Variants in SIK3 observed in about 807,000 individuals in gnomAD.
SIK3 encodes the protein serine/threonine-protein kinase SIK3.
SIK3 carries 28 observed loss-of-function variants against 144.2 expected under a neutral mutation model. The observed-to-expected ratio is 0.19, with a 90% CI of 0.14 to 0.27. The LOEUF is 0.27. Ranked by LOEUF, SIK3 falls within the 10% of genes least tolerant of loss-of-function variation. The probability of loss-of-function intolerance (pLI) is 1.00; values close to 1 mark genes in which losing one functional copy is unlikely to be tolerated. For missense variants in SIK3, 1,319 were observed against 1,776.0 expected, an observed-to-expected ratio of 0.74 and a Z score of 4.62; for synonymous variants, 686 against 676.3, an observed-to-expected ratio of 1.01 and a Z score of -0.22.
At chr11:117,073,157 T>C (rs973254711) in intron 1 of SIK3, among the ~76,000 whole-genome samples, 3 of 152,152 alleles carry the variant, frequency 2.0e-5, no homozygotes, top group African/African-American at 7.2e-5. Context: ...GAAGGGAGCA[T>C]TGGAAATTTT....
chr11:116,915,122 A>ATGTGTGTGTGTG (rs1423283335), intron 4 of SIK3, among the ~76,000 whole-genome samples: 5 of 100,026 alleles, frequency 5.0e-5, no homozygotes, highest in South Asian at 4.3e-4. Context: ...AGGAAGCCAT[A>ATGTGTGTGTGTG]TATGTGTGTG....
intron 1 of SIK3, among the ~76,000 whole-genome samples, chr11:117,085,113 CTTTT>C (rs1565628671): frequency 6.6e-6 from 1 of 151,652 alleles, no homozygotes; most frequent in African/African-American, 2.4e-5. Context: ...TTTTCTCTCT[CTTTT>C]CTTTCTTTCC....
intron 19 of SIK3, 123 bp from the exon 20 acceptor site, chr11:116,859,727 G>T: frequency 1.3e-6 from 1 of 781,784 alleles, no homozygotes; most frequent in Non-Finnish European, 2.1e-6. Context: ...AAACTGCACT[G>T]AGCATAGGAC....
rs191739171 is a variant in SIK3 at position 116,888,421 on chromosome 11, G to A, written c.865+7832C>T. ...ACAACTGTGCCCAGAAACACGAGGC[G>A]TAAGCAGAAAAAGGACTCTGGGACA... On this transcript the variant is annotated intron_variant, in intron 6 of 24. Coordinates refer to ENST00000445177, the MANE Select transcript of SIK3 (RefSeq NM_001366686.3). Among the ~76,000 whole-genome samples the A allele has an allele frequency of 6.7e-4, 102 of 152,292 alleles. No homozygotes were observed. The East Asian group carries it at 0.015, about 23-fold the overall frequency.
intron 1 of SIK3, among the ~76,000 whole-genome samples, chr11:117,065,083 A>T (rs1382180376): frequency 6.6e-6 from 1 of 151,984 alleles, no homozygotes; most frequent in Non-Finnish European, 1.5e-5. Flanking sequence ...CAGCAGGCAG[A>T]GGTTGCAGCG....
At position 116,846,594 on chromosome 11, in the gene SIK3, G is replaced by A. The variant is rs774045967; in HGVS notation, c.3953-41C>T. The A allele has an allele frequency of 1.9e-6, 3 of 1,612,068 alleles. No individual in the cohort carries two copies. The highest frequency in any genetic ancestry group is 2.2e-5 in the South Asian group (2 of 90,910). ...GAACGTATGAGGTTGGCAGGGAACT[G>A]GGGGACTAGGAGAGCAAGGGGGAGA... On this transcript the variant is annotated intron_variant, in intron 23 of 24. Transcript: ENST00000445177. The surrounding 1 kb of genome is among the most constrained non-coding windows in gnomAD (Gnocchi z 4.1).
Position 117,059,261 on chromosome 11 carries a change from A to G in SIK3, c.273+38882T>C, listed in dbSNP as rs542560679. 6.4e-4 allele frequency among the ~76,000 whole-genome samples: 98 copies of G among 152,368 alleles called. 1 individual carries two copies. Among genetic ancestry groups the G allele is most frequent in the Non-Finnish European group, 1.2e-3 (84 of 68,036 alleles). On this transcript the variant is annotated intron_variant, in intron 1 of 24. Coordinates refer to ENST00000445177, the MANE Select transcript of SIK3 (RefSeq NM_001366686.3). ...TGGACAAGTAATCAACATGGACATT[A>G]AAGGCATACAAAATCACAGAGTAAG... is the stretch of plus-strand genomic sequence containing the variant.
chr11:116,854,172 C>T (rs192439148), intron 21 of SIK3, among the ~76,000 whole-genome samples: 57 of 152,044 alleles, frequency 3.7e-4, no homozygotes, highest in Non-Finnish European at 7.6e-4. Flanking sequence ...TCAGCCCCGG[C>T]GACATAGCAA....
At chr11:117,026,671 C>A (rs1472186368) in intron 1 of SIK3, among the ~76,000 whole-genome samples, 2 of 152,142 alleles carry the variant, frequency 1.3e-5, no homozygotes, top group African/African-American at 4.8e-5. Context: ...GTCATCTAAC[C>A]TACAAATTAC....
At chr11:117,089,051 G>A (rs1355280443) in intron 1 of SIK3, among the ~76,000 whole-genome samples, 1 of 151,950 alleles carries the variant, frequency 6.6e-6, no homozygotes, top group Non-Finnish European at 1.5e-5. Flanking sequence ...AGCACTGTCA[G>A]AAAATAAACG....
intron 1 of SIK3, among the ~76,000 whole-genome samples, chr11:116,963,096 A>G (rs1418341038): frequency 6.6e-6 from 1 of 152,196 alleles, no homozygotes; most frequent in Non-Finnish European, 1.5e-5. Flanking sequence ...CCCAAGTTAC[A>G]AGGCTCTCAA....
intron 1 of SIK3, among the ~76,000 whole-genome samples, chr11:116,981,804 G>T (rs1290754249): frequency 6.6e-6 from 1 of 152,134 alleles, no homozygotes; most frequent in Admixed American, 6.5e-5. Flanking sequence ...CTTGAGCCTA[G>T]GAGTTCAACA....
intron 1 of SIK3, among the ~76,000 whole-genome samples, chr11:116,968,165 T>C (rs1949629560): frequency 6.6e-6 from 1 of 152,180 alleles, no homozygotes; most frequent in Admixed American, 6.5e-5. Flanking sequence ...TTTTTTGAGA[T>C]GGAATCTCGC....
chr11:116,991,264 T>A (rs963579631), intron 1 of SIK3, among the ~76,000 whole-genome samples: 3 of 152,162 alleles, frequency 2.0e-5, no homozygotes, highest in Admixed American at 6.5e-5. Context: ...CTGGCCAACA[T>A]GGCAAAACCC....
intron 1 of SIK3, among the ~76,000 whole-genome samples, chr11:117,086,171 T>A (rs747817073): frequency 6.6e-6 from 1 of 152,040 alleles, no homozygotes; most frequent in Non-Finnish European, 1.5e-5. Context: ...AAGCACAATA[T>A]CCTATATGGC....
chr11:117,008,267 T>C (rs1450150696), intron 1 of SIK3, among the ~76,000 whole-genome samples: 2 of 152,112 alleles, frequency 1.3e-5, no homozygotes, highest in South Asian at 2.1e-4. Context: ...CTAAGCACTT[T>C]CATCTGATTT....
intron 21 of SIK3, among the ~76,000 whole-genome samples, chr11:116,856,339 C>T (rs1942928574): frequency 6.6e-6 from 1 of 152,208 alleles, no homozygotes; most frequent in South Asian, 2.1e-4. Flanking sequence ...AGAAAGCTCC[C>T]AGGCTGCTAA....
rs79004018 is a variant in SIK3 at position 116,926,293 on chromosome 11, A to G, written c.616+926T>C. On this transcript the variant is annotated intron_variant, in intron 4 of 24. Coordinates refer to ENST00000445177, the MANE Select transcript of SIK3 (RefSeq NM_001366686.3). ...TTATTTTCATATTTACAGTTTCTCT[A>G]TAGATTGCAGTCACTTAATTTTATT... 4.2e-3 allele frequency among the ~76,000 whole-genome samples: 635 copies of G among 152,318 alleles called. 13 individuals are homozygous for G. The highest frequency in any genetic ancestry group is 0.014 in the Admixed American group (216 of 15,298).
At chr11:116,987,959 A>G (rs777260572) in intron 1 of SIK3, among the ~76,000 whole-genome samples, 3 of 152,220 alleles carry the variant, frequency 2.0e-5, no homozygotes, top group Admixed American at 1.3e-4. Context: ...AGGTATGTAA[A>G]GGACGTTACC....
Sources: allele counts gnomAD v4.1 joint callset (sites outside exome capture counted in the v4.1 genomes callset), GRCh38; gene constraint gnomAD v4.1.1; non-coding constraint Gnocchi (gnomAD v3.1); transcripts MANE v1.5; gene names NCBI Gene and HGNC (gene_info 2026-07-23, HGNC 2026-07-21).